Variants in SMC6 observed in about 807,000 individuals in gnomAD.
SMC6 encodes the protein structural maintenance of chromosomes 6, also known as structural maintenance of chromosomes protein 6.
Under a neutral mutation model 142.2 loss-of-function variants are expected in SMC6, and 79 were observed. The observed-to-expected ratio is 0.56, with a 90% CI of 0.46 to 0.67. The LOEUF (loss-of-function observed/expected upper bound fraction) is 0.67. Ranked by LOEUF, SMC6 falls within the 30% of genes least tolerant of loss-of-function variation. SMC6 has a pLI of 0.00. For synonymous variants in SMC6, 411 were observed against 412.4 expected (o/e 1.00, Z 0.04); for missense variants, 1,072 against 1,284.0 (o/e 0.83, Z 2.52).
chr2:17,717,152 C>T lies in SMC6; in HGVS notation c.1117G>A (p.Glu373Lys), dbSNP rs758369471. The T allele has an allele frequency of 2.5e-6, 4 of 1,608,704 alleles. No homozygotes were observed. Among genetic ancestry groups the T allele is most frequent in the Admixed American group, 1.7e-5 (1 of 59,350 alleles). The change falls in exon 13 of 28, where the codon GAA becomes AAA. Residue 373 changes from glutamate to lysine, a missense_variant. Glu to Lys is a moderately conservative substitution (Grantham distance 56). Around this residue, in one of 3 missense-constraint regions of SMC6, gnomAD observed 994 missense variants for 1,153.2 expected, o/e 0.86. Transcript: ENST00000448223. ...AEVLYNRSLN[E>K]YKALKKDDEQ... is the part of the protein sequence containing the mutation. ...TCATCTTTCTTTAATGCTTTATATT[C>T]GTTTAAGGATCGGTTATATAAAACC...
chr2:17,751,368 T>G (rs890663326), intron 2 of SMC6, among the ~76,000 whole-genome samples: 3 of 150,526 alleles, frequency 2.0e-5, no homozygotes, highest in African/African-American at 7.4e-5. Flanking sequence ...TAATCCCAGC[T>G]ACTCCGGAGG....
intron 8 of SMC6, among the ~76,000 whole-genome samples, chr2:17,726,087 TAAAAAAAAAAAAA>T (rs35471536): frequency 5.5e-5 from 3 of 54,942 alleles, no homozygotes; most frequent in Admixed American, 2.8e-4. Flanking sequence ...GGCTCTGTCT[TAAAAAAAAAAAAA>T]AAAAAAAAAA....
intron 24 of SMC6, chr2:17,679,683 AATGGGCACCCCTTCAAGCTGG>A (rs1278890703): frequency 2.6e-5 from 4 of 152,406 alleles, no homozygotes; most frequent in African/African-American, 9.6e-5. Flanking sequence ...AGATTTTTCC[AATGGGCACCCCTTCAAGCTGG>A]ATGTGTCCCC....
At chr2:17,719,679 A>T in intron 11 of SMC6, among the ~76,000 whole-genome samples, 1 of 152,310 alleles carries the variant, frequency 6.6e-6, no homozygotes. Context: ...CTTGGTGAAA[A>T]TTTCAGAATA....
chr2:17,747,994 G>A (rs1670841696), intron 2 of SMC6, among the ~76,000 whole-genome samples: 4 of 152,278 alleles, frequency 2.6e-5, no homozygotes, highest in Middle Eastern at 6.8e-3. Flanking sequence ...CCTTGCAAGA[G>A]TCTCATGGAT....
At chr2:17,720,823 T>G in intron 11 of SMC6, 117 bp downstream of exon 11, 1 of 864,974 alleles carries the variant, frequency 1.2e-6, no homozygotes, top group Non-Finnish European at 1.8e-6. Flanking sequence ...AGCAATCAAT[T>G]CAAATATAGA....
intron 2 of SMC6, among the ~76,000 whole-genome samples, chr2:17,750,156 G>T (rs1052374884): frequency 1.3e-5 from 2 of 152,186 alleles, no homozygotes; most frequent in African/African-American, 4.8e-5. Context: ...TGAACACTTA[G>T]ATTTCTGTAC....
At chr2:17,723,824 T>C (rs1572332420) in intron 9 of SMC6, among the ~76,000 whole-genome samples, 1 of 152,216 alleles carries the variant, frequency 6.6e-6, no homozygotes, top group Non-Finnish European at 1.5e-5. Flanking sequence ...ATTGACTGAA[T>C]GATTATTCTA....
intron 17 of SMC6, among the ~76,000 whole-genome samples, chr2:17,708,007 C>T (rs201886831): frequency 0.014 from 2,145 of 150,140 alleles, 27 homozygotes; most frequent in African/African-American, 0.034. Flanking sequence ...TACACACACA[C>T]ACACACACAC....
chr2:17,731,475 G>A (rs539886600), intron 6 of SMC6, among the ~76,000 whole-genome samples: 14 of 152,306 alleles, frequency 9.2e-5, no homozygotes, highest in African/African-American at 3.1e-4. Context: ...ACCCTGGTGT[G>A]ATAGGAAGTC....
chr2:17,665,390 C>G lies in SMC6; in HGVS notation c.*109G>C, dbSNP rs1157391513. 5.6e-6 allele frequency: 3 copies of G among 532,054 alleles called. No individual in the cohort carries two copies. The African/African-American group carries it at 5.9e-5, about 10-fold the overall frequency. The allele number at this position is 532,054 out of a possible 1,614,324, so 33.0% of individuals were successfully genotyped here. The stretch of plus-strand genomic sequence containing the variant: ...TGTGGTTGGATATATAAAGGAGTTT[C>G]TTTCATTTCAGAATGCCTCCAGTCT... On this transcript the variant is annotated 3_prime_UTR_variant, in exon 28 of 28. Transcript: ENST00000448223.
At chr2:17,733,041 T>A (rs1669984884) in intron 5 of SMC6, among the ~76,000 whole-genome samples, 2 of 152,246 alleles carry the variant, frequency 1.3e-5, no homozygotes, top group Admixed American at 1.3e-4. Flanking sequence ...ATATTTTACC[T>A]GGTTCATATG....
chr2:17,742,869 T>C lies in SMC6; in HGVS notation c.121-1140A>G, dbSNP rs1177002616. On this transcript the variant is annotated intron_variant, in intron 3 of 27. Transcript: ENST00000448223. The stretch of plus-strand genomic sequence containing the variant: ...CAATATCACAACCAAGATACTGACA[T>C]TGACATAGTCAAAATACAGAATATT... Among the ~76,000 whole-genome samples the C allele has an allele frequency of 3.3e-5, 5 of 152,214 alleles. No individual in the cohort carries two copies. In the East Asian group the frequency reaches 9.6e-4, roughly 29 times the overall value.
intron 23 of SMC6, among the ~76,000 whole-genome samples, chr2:17,692,788 G>A (rs1227676331): frequency 6.6e-6 from 1 of 151,882 alleles, no homozygotes; most frequent in Non-Finnish European, 1.5e-5. Flanking sequence ...ATGGGAGAAC[G>A]TTTTTGCAAT....
At position 17,703,308 on chromosome 2, in the gene SMC6, G is replaced by C. The variant is rs760285968; in HGVS notation, c.2007-16C>G. 6 of 1,584,774 alleles carry C rather than the reference G, an allele frequency of 3.8e-6. No homozygotes were observed. The highest frequency in any genetic ancestry group is 5.1e-6 in the Non-Finnish European group (6 of 1,169,988). On this transcript the variant is annotated splice_polypyrimidine_tract_variant and intron_variant, in intron 18 of 27. Transcript: ENST00000448223. The stretch of plus-strand genomic sequence containing the variant: ...CTCCAAGTCACTTGATAGGAAAGGA[G>C]AAGATAGAAAATACTTTAAATCTTT...
At chr2:17,745,098 T>C (rs1477956049) in intron 3 of SMC6, among the ~76,000 whole-genome samples, 2 of 152,204 alleles carry the variant, frequency 1.3e-5, no homozygotes, top group East Asian at 1.9e-4. Flanking sequence ...ACAACTACAT[T>C]GCTGAATTCT....
chr2:17,741,525 C>G (rs1436261060), intron 4 of SMC6, 87 bp downstream of exon 4: 3 of 746,246 alleles, frequency 4.0e-6, no homozygotes, highest in Non-Finnish European at 6.8e-6. Flanking sequence ...TACTTATTAG[C>G]ACTAATAGTC....
At chr2:17,670,319 T>A in intron 26 of SMC6, 104 bp downstream of exon 26, 1 of 1,179,304 alleles carries the variant, frequency 8.5e-7, no homozygotes, top group East Asian at 2.6e-5. Flanking sequence ...CAGGGCAGGA[T>A]CTTTCCTGTT....
chr2:17,707,578 T>C (rs1291317307), intron 17 of SMC6, among the ~76,000 whole-genome samples, 199 bp from the exon 18 acceptor site: 1 of 152,108 alleles, frequency 6.6e-6, no homozygotes, highest in Non-Finnish European at 1.5e-5. Context: ...ATTTAAAAAG[T>C]CTTAAAACAG....
Sources: allele counts gnomAD v4.1 joint callset (sites outside exome capture counted in the v4.1 genomes callset), GRCh38; gene constraint gnomAD v4.1.1; regional missense constraint gnomAD v4.1.1; transcripts MANE v1.5; gene names NCBI Gene and HGNC (gene_info 2026-07-23, HGNC 2026-07-21).